PDE6G: variants seen among roughly 807,000 people sequenced by gnomAD.
The protein encoded by PDE6G is rod cGMP 3',5'-cyclic phosphodiesterase subunit gamma.
Under a neutral mutation model 10.9 loss-of-function variants are expected in PDE6G, and 10 were observed. The ratio of observed to expected loss-of-function variants is 0.91; its 90% confidence interval spans 0.56 to 1.55. The LOEUF (loss-of-function observed/expected upper bound fraction) is 1.55, where lower values mean the gene tolerates loss of function less well. PDE6G is among the 40% of genes most tolerant of loss of function. The pLI is 0.00. For missense variants in PDE6G, 102 were observed against 110.1 expected, an observed-to-expected ratio of 0.93 and a Z score of 0.33; for synonymous variants, 41 against 42.8, an observed-to-expected ratio of 0.96 and a Z score of 0.16.
chr17:81,650,852 T>G lies in PDE6G; in HGVS notation c.*222A>C. On this transcript the variant is annotated 3_prime_UTR_variant, in exon 4 of 4. Transcript: ENST00000331056. ...AGGGGTGGGCCTGTATCTCCAGATG[T>G]TGAGCAGGGCCTGGCCAGCCCCTGA... is the stretch of plus-strand genomic sequence containing the variant. 3.2e-6 allele frequency: 2 copies of G among 628,878 alleles called. No homozygotes were observed. Among genetic ancestry groups the G allele is most frequent in the Non-Finnish European group, 5.9e-6 (2 of 339,158 alleles). The allele number at this position is 628,878 out of a possible 1,614,324, so 39.0% of individuals were successfully genotyped here.
chr17:81,654,121 G>A (rs751222329), intron 1 of PDE6G, among the ~76,000 whole-genome samples: 2 of 151,486 alleles, frequency 1.3e-5, no homozygotes, highest in African/African-American at 4.9e-5. Flanking sequence ...CGGCCCAGCT[G>A]CTACTCTGAT....
intron 2 of PDE6G, among the ~76,000 whole-genome samples, chr17:81,652,893 C>CTGGAATTACAGACG (rs11270790): frequency 6.7e-6 from 1 of 148,688 alleles, no homozygotes; most frequent in African/African-American, 2.5e-5. Context: ...TCCCAAAGCG[C>CTGGAATTACAGACG]TGAGCCACCG....
rs776940030 is a variant in PDE6G, at chr17:81,656,505, G to A, written c.-72C>T. 3.8e-5 allele frequency: 29 copies of A among 763,424 alleles called. No homozygotes were observed. The highest frequency in any genetic ancestry group is 3.6e-4 in the East Asian group (15 of 41,200). 47.3% of individuals were successfully genotyped at this position (763,424 alleles called of 1,614,324 possible). ...GGCCACTACTCACCAAGTGCAGGGC[G>A]GGTCTCAGGGGGCTGTGCTGTGAGT... On this transcript the variant is annotated 5_prime_UTR_variant, in exon 1 of 4. Transcript: ENST00000331056.
chr17:81,657,096 C>T (rs914401935), upstream of PDE6G: 2 of 170,180 alleles, frequency 1.2e-5, no homozygotes, highest in East Asian at 1.6e-4. Flanking sequence ...AATGAGCAGC[C>T]GATCCACAGG....
In PDE6G at chr17:81,653,472, C is replaced by T. The variant is rs551657815; in HGVS notation, c.-59-108G>A. The T allele has an allele frequency of 2.0e-4, 146 of 726,536 alleles. No homozygotes were observed. In the African/African-American group the frequency reaches 2.3e-3, roughly 12 times the overall value. 45.0% of individuals were successfully genotyped at this position (726,536 alleles called of 1,614,324 possible). On this transcript the variant is annotated intron_variant, in intron 1 of 3. Transcript: ENST00000331056. This position sits in a 1 kb window ranked among gnomAD's most constrained non-coding sequence, Gnocchi z 5.2. ...TGAGACCCAGCCCCGCCAGCTCCAG[C>T]GTCATCCAGACAGCAGCCCCTGCAA... is the stretch of plus-strand genomic sequence containing the variant.
rs575031718 is a variant in PDE6G at position 81,650,654 on chromosome 17, C to T, written c.*420G>A. 2.9e-4 allele frequency: 132 copies of T among 455,688 alleles called. 3 individuals are homozygous for T. Among genetic ancestry groups the T allele is most frequent in the South Asian group, 2.0e-3 (128 of 64,496 alleles). 28.2% of individuals were successfully genotyped at this position (455,688 alleles called of 1,614,324 possible). A position where few individuals can be genotyped will look rare whatever the true frequency, so the allele number is the denominator to read the frequency against. On this transcript the variant is annotated 3_prime_UTR_variant, in exon 4 of 4. Transcript: ENST00000331056. ...CAGAGACGGGGAGCTTCTCTGTATC[C>T]CCTTACAGGCAGGACAGGGGGCTGG... is the stretch of plus-strand genomic sequence containing the variant.
At chr17:81,658,257 A>C (rs988283312), upstream of PDE6G, among the ~76,000 whole-genome samples, 3 of 151,548 alleles carry the variant, frequency 2.0e-5, no homozygotes, top group Non-Finnish European at 4.4e-5. Flanking sequence ...GCTAATTTTT[A>C]ATATTTTTAG....
chr17:81,650,894 G>A lies in PDE6G; in HGVS notation c.*180C>T, dbSNP rs752549969. The A allele has an allele frequency of 1.5e-6, 1 of 675,022 alleles. No individual in the cohort carries two copies. The highest frequency in any genetic ancestry group is 2.7e-6 in the Non-Finnish European group (1 of 366,580). 41.8% of individuals were successfully genotyped at this position (675,022 alleles called of 1,614,324 possible). ...AGCCCCTGAGGGGGCATCCTAGAGG[G>A]AGGTGGTGGGCTCCTGGTGACTGGT... On this transcript the variant is annotated 3_prime_UTR_variant, in exon 4 of 4. Transcript: ENST00000331056.
upstream of PDE6G, chr17:81,656,908 T>C: frequency 2.3e-6 from 1 of 429,754 alleles, no homozygotes; most frequent in Non-Finnish European, 4.3e-6. Context: ...CCTCACCCGC[T>C]GCTGTGGCCT....
chr17:81,652,353 C>T (rs1193726742), intron 2 of PDE6G, among the ~76,000 whole-genome samples: 7 of 152,098 alleles, frequency 4.6e-5, no homozygotes, highest in East Asian at 3.9e-4. Flanking sequence ...CTCGGCTCAC[C>T]GCAAGCTCTG....
chr17:81,661,315 G>A (rs1462135327), upstream of PDE6G, among the ~76,000 whole-genome samples: 2 of 152,234 alleles, frequency 1.3e-5, no homozygotes, highest in African/African-American at 2.4e-5. Context: ...CAGCCTTGGC[G>A]GTTGAGGCTG....
At position 81,650,980 on chromosome 17, in the gene PDE6G, G is replaced by T; in HGVS notation, c.*94C>A. The stretch of plus-strand genomic sequence containing the variant: ...CATCCTGGTGTCCAGGTGCCATCTG[G>T]GCTAGGGAGGCATCTCCTCAACAGG... On this transcript the variant is annotated 3_prime_UTR_variant, in exon 4 of 4. Transcript: ENST00000331056. The T allele has an allele frequency of 1.1e-6, 1 of 922,518 alleles. No individual in the cohort carries two copies. The highest frequency in any genetic ancestry group is 1.8e-6 in the Non-Finnish European group (1 of 555,364). 57.1% of individuals were successfully genotyped at this position (922,518 alleles called of 1,614,324 possible).
At position 81,651,589 on chromosome 17, in the gene PDE6G, G is replaced by C; in HGVS notation, c.187+56C>G. The C allele has an allele frequency of 6.4e-7, 1 of 1,553,132 alleles. No individual in the cohort carries two copies. Among genetic ancestry groups the C allele is most frequent in the Non-Finnish European group, 8.9e-7 (1 of 1,124,468 alleles). ...GGCTGCAATGGGCCCCGGGCGTGCT[G>C]GGTGTGCCTGGGGGGACCTGGGCAG... On this transcript the variant is annotated intron_variant, in intron 3 of 3. Transcript: ENST00000331056. The surrounding 1 kb of genome is among the most constrained non-coding windows in gnomAD (Gnocchi z 4.8).
rs779525290 is a variant in PDE6G at position 81,651,656 on chromosome 17, C to T, written c.176G>A (p.Gly59Asp). 3 of 1,613,920 alleles carry T rather than the reference C, an allele frequency of 1.9e-6. No homozygotes were observed. Among genetic ancestry groups the T allele is most frequent in the African/African-American group, 2.7e-5 (2 of 74,888 alleles). The change falls in exon 3 of 4, where the codon GGC (glycine) becomes GAC (aspartate). Residue 59 changes from glycine (G) to aspartate (D), a missense_variant. Coordinates refer to ENST00000331056, the MANE Select transcript of PDE6G (RefSeq NM_002602.4). The surrounding 1 kb of genome is among the most constrained non-coding windows in gnomAD (Gnocchi z 4.8). ...GFGDDIPGME[G>D]LGTDITVICP... ...GGCAGCCGTCATACCTGTTCCCAGGCCTTCCATTCCAGGGATGTCGTCCCC... is the reference window on the plus strand; with the variant it reads ...GGCAGCCGTCATACCTGTTCCCAGGTCTTCCATTCCAGGGATGTCGTCCCC...
Position 81,651,669 on chromosome 17 carries a change from G to C in PDE6G, c.163C>G (p.Pro55Ala), listed in dbSNP as rs773923808. 5 of 1,614,060 alleles carry C rather than the reference G, an allele frequency of 3.1e-6. 1 individual carries two copies. The South Asian group carries it at 5.5e-5, about 18-fold the overall frequency. The change falls in exon 3 of 4, where the codon CCT (proline) becomes GCT (alanine). Residue 55 changes from proline to alanine, a missense_variant. Transcript: ENST00000331056. The surrounding 1 kb of genome is among the most constrained non-coding windows in gnomAD (Gnocchi z 4.8). ...CCTGTTCCCAGGCCTTCCATTCCAGGGATGTCGTCCCCAAACCTGCAAGGA... is the reference window on the plus strand; with the variant it reads ...CCTGTTCCCAGGCCTTCCATTCCAGCGATGTCGTCCCCAAACCTGCAAGGA... ...KGVQGFGDDIPGMEGLGTDIT... is the reference protein window; with the variant it reads ...KGVQGFGDDIAGMEGLGTDIT...
chr17:81,652,279 T>G (rs990512666), intron 2 of PDE6G, among the ~76,000 whole-genome samples: 3 of 151,938 alleles, frequency 2.0e-5, no homozygotes, highest in Non-Finnish European at 4.4e-5. Context: ...AGTGGTTGTA[T>G]TTTTTTTATT....
chr17:81,653,282 A>C lies in PDE6G; in HGVS notation c.24T>G (p.Ala8=). MNLEPPK[A]EFRSATRVAG... ...CCACCCTGGTGGCTGACCGGAACTC[A>C]GCCTTGGGCGGTTCCAGGTTCATGG... The change falls in exon 2 of 4, where the codon GCT becomes GCG. Residue 8 remains alanine, a synonymous_variant. Coordinates refer to ENST00000331056, the MANE Select transcript of PDE6G (RefSeq NM_002602.4). The surrounding 1 kb of genome is among the most constrained non-coding windows in gnomAD (Gnocchi z 5.2). 1 of 1,613,848 alleles carries C rather than the reference A, an allele frequency of 6.2e-7. No individual in the cohort carries two copies. Among genetic ancestry groups the C allele is most frequent in the South Asian group, 1.1e-5 (1 of 91,082 alleles).
At chr17:81,656,811 T>C, upstream of PDE6G, 2 of 599,660 alleles carry the variant, frequency 3.3e-6, no homozygotes, top group Non-Finnish European at 6.0e-6. Flanking sequence ...GTGTCTGCTG[T>C]CTTGGGCCTC....
At chr17:81,657,686 C>A (rs2036464430), upstream of PDE6G, among the ~76,000 whole-genome samples, 1 of 151,766 alleles carries the variant, frequency 6.6e-6, no homozygotes, top group Non-Finnish European at 1.5e-5. Flanking sequence ...CGAGACCATC[C>A]TTGCTAACAT....
Sources: allele counts gnomAD v4.1 joint callset (sites outside exome capture counted in the v4.1 genomes callset), GRCh38; gene constraint gnomAD v4.1.1; non-coding constraint Gnocchi (gnomAD v3.1); transcripts MANE v1.5; gene names NCBI Gene and HGNC (gene_info 2026-07-23, HGNC 2026-07-21).